The following TEX36 variants were observed in gnomAD, a reference collection of about 807,000 sequenced individuals.
TEX36 encodes testis-expressed protein 36.
A neutral mutation model predicts 13.6 loss-of-function variants in TEX36; 12 were observed. The ratio of observed to expected loss-of-function variants is 0.88; its 90% CI spans 0.56 to 1.43. The LOEUF (loss-of-function observed/expected upper bound fraction) is 1.43. TEX36 is among the 40% of genes most tolerant of loss of function. TEX36 has a pLI of 0.00. For missense variants in TEX36, 224 were observed against 228.3 expected, an observed-to-expected ratio of 0.98 and a Z score of 0.12; for synonymous variants, 93 against 83.0, an observed-to-expected ratio of 1.12 and a Z score of -0.65.
chr10:125,583,802 T>G (rs573875728), intron 3 of TEX36, among the ~76,000 whole-genome samples: 43 of 152,282 alleles, frequency 2.8e-4, no homozygotes, highest in African/African-American at 8.7e-4. Context: ...TGGAAGAAAC[T>G]AAAAAATTCT....
At chr10:125,614,132 G>T (rs1448541284) in intron 3 of TEX36, among the ~76,000 whole-genome samples, 1 of 152,128 alleles carries the variant, frequency 6.6e-6, no homozygotes, top group Non-Finnish European at 1.5e-5. Flanking sequence ...GGGGTTGTTT[G>T]TTTTTTTCTT....
At chr10:125,648,302 A>T (rs1164140517) in intron 3 of TEX36, among the ~76,000 whole-genome samples, 1 of 152,186 alleles carries the variant, frequency 6.6e-6, no homozygotes, top group Non-Finnish European at 1.5e-5. Flanking sequence ...TCTGAGATGA[A>T]GCTTCCAGAG....
chr10:125,595,137 A>G (rs1049333393), intron 3 of TEX36, among the ~76,000 whole-genome samples: 4 of 152,240 alleles, frequency 2.6e-5, no homozygotes, highest in Non-Finnish European at 5.9e-5. Flanking sequence ...CACATTACAA[A>G]TGGTAAATTT....
intron 1 of TEX36, among the ~76,000 whole-genome samples, chr10:125,676,272 C>T (rs1305708046): frequency 6.6e-6 from 1 of 152,168 alleles, no homozygotes; most frequent in Non-Finnish European, 1.5e-5. Context: ...ATAATATTTG[C>T]CTTATGAATC....
At chr10:125,616,213 G>T (rs1479281252) in intron 3 of TEX36, among the ~76,000 whole-genome samples, 3 of 151,762 alleles carry the variant, frequency 2.0e-5, no homozygotes, top group Non-Finnish European at 4.4e-5. Flanking sequence ...TATCAATTTT[G>T]TTGATCCTTT....
rs1846930497 is a variant in TEX36 at position 125,655,801 on chromosome 10, T to C, written c.*99A>G. 7.4e-7 allele frequency: 1 copy of C among 1,354,404 alleles called. No homozygotes were observed. Among genetic ancestry groups the C allele is most frequent in the Non-Finnish European group, 9.5e-7 (1 of 1,049,934 alleles). 83.9% of individuals were successfully genotyped at this position (1,354,404 alleles called of 1,614,324 possible). A position where few individuals can be genotyped will look rare whatever the true frequency, so the allele number is the denominator to read the frequency against. On this transcript the variant is annotated 3_prime_UTR_variant, in exon 4 of 4. Coordinates refer to ENST00000368821, the MANE Select transcript of TEX36 (RefSeq NM_001128202.3). ...CCTTATAAAAATCATAAAAGTACTTTAAAAATTAAATAGTGGTGCTGGATC... is the reference window on the plus strand; with the variant it reads ...CCTTATAAAAATCATAAAAGTACTTCAAAAATTAAATAGTGGTGCTGGATC...
At chr10:125,598,580 T>C (rs762347806) in intron 3 of TEX36, among the ~76,000 whole-genome samples, 20 of 152,240 alleles carry the variant, frequency 1.3e-4, no homozygotes, top group Non-Finnish European at 2.6e-4. Flanking sequence ...CTAATTTTCA[T>C]GCAAAGAAAA....
intron 3 of TEX36, among the ~76,000 whole-genome samples, chr10:125,595,353 A>G (rs1270775306): frequency 6.6e-6 from 1 of 152,210 alleles, no homozygotes; most frequent in Non-Finnish European, 1.5e-5. Flanking sequence ...AGCTAGCATC[A>G]CATTGATATC....
intron 3 of TEX36, among the ~76,000 whole-genome samples, chr10:125,636,203 ATTT>A (rs748673256): frequency 1.6e-4 from 20 of 121,662 alleles, no homozygotes; most frequent in African/African-American, 1.8e-4. Context: ...TGTTTGCTGA[ATTT>A]TTTTTTTTTT....
chr10:125,623,950 G>A (rs1589759775), intron 3 of TEX36, among the ~76,000 whole-genome samples: 1 of 152,226 alleles, frequency 6.6e-6, no homozygotes, highest in Admixed American at 6.5e-5. Flanking sequence ...GTGGACACAC[G>A]TGTGAGCGTT....
At chr10:125,660,416 C>T (rs1202532229) in intron 3 of TEX36, among the ~76,000 whole-genome samples, 1 of 152,200 alleles carries the variant, frequency 6.6e-6, no homozygotes, top group Non-Finnish European at 1.5e-5. Context: ...TGAGCCACTG[C>T]TCCCAGCCAA....
rs1025662363 is a variant in TEX36 at position 125,628,497 on chromosome 10, A to G, written c.265-6852T>C. 7.9e-5 allele frequency among the ~76,000 whole-genome samples: 12 copies of G among 152,196 alleles called. No homozygotes were observed. The South Asian group carries it at 8.3e-4, about 10-fold the overall frequency. ...AAGTTGCTTTCTTTTGGAATAGATG[A>G]GCATATCAGTCTCTAATAACACTGA... On this transcript the variant is annotated intron_variant, in intron 3 of 3. Coordinates refer to the TEX36 transcript ENST00000526819.
At chr10:125,618,098 A>G (rs893267918), downstream of TEX36, among the ~76,000 whole-genome samples, 69 of 150,916 alleles carry the variant, frequency 4.6e-4, no homozygotes, top group African/African-American at 1.6e-3. Flanking sequence ...AGGCTTCTGC[A>G]TTCTTCACGT....
At chr10:125,626,452 TC>T (rs1846491939) in intron 3 of TEX36, among the ~76,000 whole-genome samples, 1 of 152,248 alleles carries the variant, frequency 6.6e-6, no homozygotes, top group Non-Finnish European at 1.5e-5. Context: ...ATGCATGTTA[TC>T]TCATTTCCTT....
At chr10:125,663,413 A>C (rs1847076210) in intron 1 of TEX36, among the ~76,000 whole-genome samples, 2 of 152,220 alleles carry the variant, frequency 1.3e-5, no homozygotes, top group South Asian at 4.1e-4. Flanking sequence ...GTAGATACTC[A>C]GTAGTAGCAT....
intron 3 of TEX36, among the ~76,000 whole-genome samples, chr10:125,607,149 C>T (rs188401730): frequency 1.8e-3 from 270 of 152,322 alleles, no homozygotes; most frequent in Admixed American, 4.4e-3. Flanking sequence ...GAGAGCAAAC[C>T]TAGCTGAGAT....
At chr10:125,637,928 C>T (rs559432119) in intron 3 of TEX36, among the ~76,000 whole-genome samples, 4 of 152,020 alleles carry the variant, frequency 2.6e-5, no homozygotes, top group South Asian at 4.2e-4. Flanking sequence ...GTCCAGACCA[C>T]CCCCCTGCTG....
At chr10:125,598,085 C>A (rs1467873059) in intron 3 of TEX36, among the ~76,000 whole-genome samples, 1 of 152,140 alleles carries the variant, frequency 6.6e-6, no homozygotes, top group Non-Finnish European at 1.5e-5. Flanking sequence ...TGGCAGGCCC[C>A]TAAGAGGGGT....
chr10:125,653,385 G>T (rs947108848), downstream of TEX36, among the ~76,000 whole-genome samples: 1 of 151,048 alleles, frequency 6.6e-6, no homozygotes, highest in Admixed American at 6.6e-5. Flanking sequence ...ACTATTGCAA[G>T]GACAGAAAAC....
Sources: gnomAD v4.1 joint callset for allele counts (sites outside exome capture counted in the v4.1 genomes callset) on GRCh38, gnomAD v4.1.1 for gene constraint, MANE v1.5 for transcripts, NCBI Gene and HGNC (gene_info 2026-07-23, HGNC 2026-07-21) for gene names.